Variants in SNAP29 observed in about 807,000 individuals in gnomAD.
SNAP29 encodes the protein synaptosome associated protein 29.
In SNAP29, 13 loss-of-function variants were observed where a neutral mutation model predicts 27.9. The observed-to-expected ratio is 0.47, with a 90% CI of 0.30 to 0.74. The LOEUF is 0.74. Ranked by LOEUF, SNAP29 falls within the 30% of genes least tolerant of loss-of-function variation. The probability of loss-of-function intolerance (pLI) is 0.06; values close to 1 mark genes in which losing one functional copy is unlikely to be tolerated. For missense variants in SNAP29, 368 were observed against 336.5 expected (o/e 1.09, Z -0.73); for synonymous variants, 119 against 127.1 (o/e 0.94, Z 0.43).
chr22:20,877,769 A>G (rs6004721), intron 2 of SNAP29, among the ~76,000 whole-genome samples: 8,890 of 152,264 alleles, frequency 0.058, 860 homozygotes, highest in African/African-American at 0.2. Flanking sequence ...CATTTTTCAC[A>G]AAGAAACCAT....
chr22:20,878,838 C>T (rs1447457835), intron 2 of SNAP29, among the ~76,000 whole-genome samples: 2 of 152,042 alleles, frequency 1.3e-5, no homozygotes, highest in Non-Finnish European at 2.9e-5. Context: ...AGCAGGATGT[C>T]GGGGATCAGC....
chr22:20,885,219 C>T (rs984771279), intron 4 of SNAP29, among the ~76,000 whole-genome samples: 3 of 152,172 alleles, frequency 2.0e-5, no homozygotes, highest in East Asian at 3.8e-4. Context: ...AAATCTCCCC[C>T]GTGGTGACCT....
chr22:20,866,731 G>A (rs1601645928), intron 1 of SNAP29, among the ~76,000 whole-genome samples: 1 of 152,126 alleles, frequency 6.6e-6, no homozygotes, highest in Non-Finnish European at 1.5e-5. Flanking sequence ...TCTGCCTGGT[G>A]CCCTTGCCCC....
chr22:20,866,355 T>A (rs1009870901), intron 1 of SNAP29, among the ~76,000 whole-genome samples: 12 of 152,230 alleles, frequency 7.9e-5, no homozygotes, highest in Admixed American at 3.9e-4. Flanking sequence ...CTTGTGCCTG[T>A]GCACACTCCC....
intron 1 of SNAP29, among the ~76,000 whole-genome samples, chr22:20,869,010 C>G (rs918686681): frequency 6.6e-6 from 1 of 152,176 alleles, no homozygotes; most frequent in African/African-American, 2.4e-5. Flanking sequence ...TGAGCGGTGG[C>G]TCATGCCTGT....
At chr22:20,864,359 C>T (rs111515211) in intron 1 of SNAP29, among the ~76,000 whole-genome samples, 163 of 152,326 alleles carry the variant, frequency 1.1e-3, no homozygotes, top group Non-Finnish European at 1.7e-3. Flanking sequence ...CTGTGTCTTT[C>T]CAGCACACAA....
chr22:20,887,688 C>A lies in SNAP29; in HGVS notation c.629C>A (p.Ser210Tyr). 1.2e-6 allele frequency: 2 copies of A among 1,614,160 alleles called. No homozygotes were observed. The highest frequency in any genetic ancestry group is 1.7e-6 in the Non-Finnish European group (2 of 1,180,020). Residue 210 changes from serine to tyrosine, a missense_variant, in exon 5 of 5, where the codon TCC becomes TAC. Physicochemically the swap from Ser to Tyr is moderately radical, Grantham distance 144 (BLOSUM62 -2). Coordinates refer to ENST00000215730, the MANE Select transcript of SNAP29 (RefSeq NM_004782.4). ...TTTCCTCCTCCTGCAGATGAGCTGT[C>A]CATGGGACTGGGTCGTCTGAAGGAC... The part of the protein sequence containing the change: ...QKIDSNLDEL[S>Y]MGLGRLKDIA...
At position 20,859,054 on chromosome 22, in the gene SNAP29, G is replaced by T. The variant is rs1400132992; in HGVS notation, c.-57G>T. The T allele has an allele frequency of 2.7e-5, 39 of 1,458,286 alleles. No homozygotes were observed. Among genetic ancestry groups the T allele is most frequent in the East Asian group, 7.0e-5 (3 of 43,010 alleles). The allele number at this position is 1,458,286 out of a possible 1,614,324, so 90.3% of individuals were successfully genotyped here. On this transcript the variant is annotated 5_prime_UTR_variant, in exon 1 of 5. Transcript: ENST00000215730. ...CGGCGGGCGGGGCGAGGCCCTGGAC[G>T]GCGGCGGCAGTGGGGCTCCTCCTTC...
intron 4 of SNAP29, among the ~76,000 whole-genome samples, chr22:20,886,045 C>G (rs1929006938): frequency 6.6e-6 from 1 of 151,974 alleles, no homozygotes; most frequent in South Asian, 2.1e-4. Context: ...ACCACAGGCT[C>G]TGCTCTCCAT....
chr22:20,866,923 T>G (rs1190870816), intron 1 of SNAP29, among the ~76,000 whole-genome samples: 1 of 152,068 alleles, frequency 6.6e-6, no homozygotes, highest in African/African-American at 2.4e-5. Flanking sequence ...GTGTATGTGT[T>G]TGTGTGCACG....
chr22:20,888,946 A>ACCATTT lies in SNAP29; in HGVS notation c.*1111_*1116dup, dbSNP rs1929089402. ...TGCTAAGGGGGCAAAAAGCCCAGATACCATTTTAACTGGCCCAGTTCATTT... is the reference window on the plus strand; with the variant it reads ...TGCTAAGGGGGCAAAAAGCCCAGATACCATTTCCATTTTAACTGGCCCAGTTCATTT... On this transcript the variant is annotated 3_prime_UTR_variant, in exon 5 of 5. Coordinates refer to ENST00000215730, the MANE Select transcript of SNAP29 (RefSeq NM_004782.4). The ACCATTT allele has an allele frequency of 6.6e-6, 1 of 152,236 alleles. No homozygotes were observed. The highest frequency in any genetic ancestry group is 2.4e-5 in the African/African-American group (1 of 41,464). 9.4% of individuals were successfully genotyped at this position (152,236 alleles called of 1,614,324 possible).
Position 20,859,580 on chromosome 22 carries a change from C to G in SNAP29, c.237+233C>G. On this transcript the variant is annotated intron_variant, in intron 1 of 4. Coordinates refer to ENST00000215730, the MANE Select transcript of SNAP29 (RefSeq NM_004782.4). ...ATCTTCCTTAGCTATTAGTCTGCTT[C>G]GTTGATTTTTTTTTTCTTACGCCTA... is the stretch of plus-strand genomic sequence containing the variant. 4 of 560,238 alleles carry G rather than the reference C, an allele frequency of 7.1e-6. No homozygotes were observed. In the South Asian group the frequency reaches 9.2e-5, roughly 13 times the overall value. The allele number at this position is 560,238 out of a possible 1,614,324, so 34.7% of individuals were successfully genotyped here. A position where few individuals can be genotyped will look rare whatever the true frequency, so the allele number is the denominator to read the frequency against.
rs1388972265 is a variant in SNAP29 at position 20,881,069 on chromosome 22, C to T, written c.455C>T (p.Thr152Ile). The T allele has an allele frequency of 6.2e-7, 1 of 1,611,812 alleles. No individual in the cohort carries two copies. Among genetic ancestry groups the T allele is most frequent in the East Asian group, 2.2e-5 (1 of 44,878 alleles). Residue 152 changes from threonine to isoleucine, a missense_variant, in exon 3 of 5, where the codon ACA becomes ATA. Transcript: ENST00000215730. ...CAAAGATTGAAAGAAGCTATAAGTA[C>T]AAGTAAAGAACAGGAAGCAAAGTAC... ...PNNRLKEAISTSKEQEAKYQA... is the reference protein window; with the variant it reads ...PNNRLKEAISISKEQEAKYQA...
intron 1 of SNAP29, among the ~76,000 whole-genome samples, chr22:20,863,732 A>G (rs1023229804): frequency 6.6e-5 from 10 of 152,294 alleles, no homozygotes; most frequent in South Asian, 4.1e-4. Context: ...CAAAATTTCA[A>G]AACATACAAA....
chr22:20,890,028 G>C lies in SNAP29; in HGVS notation c.*2192G>C. 5.3e-6 allele frequency: 2 copies of C among 374,810 alleles called. No homozygotes were observed. Among genetic ancestry groups the C allele is most frequent in the Non-Finnish European group, 9.4e-6 (2 of 211,820 alleles). The allele number at this position is 374,810 out of a possible 1,614,324, so 23.2% of individuals were successfully genotyped here. ...AAATTTGTCTTCGTCTGACATATTAGAGGGCCTCGTTTTGTCCTGTTCTTG... is the reference window on the plus strand; with the variant it reads ...AAATTTGTCTTCGTCTGACATATTACAGGGCCTCGTTTTGTCCTGTTCTTG... On this transcript the variant is annotated 3_prime_UTR_variant, in exon 5 of 5. Coordinates refer to ENST00000215730, the MANE Select transcript of SNAP29 (RefSeq NM_004782.4).
At chr22:20,872,820 CTTTTTTTT>C (rs361677) in intron 2 of SNAP29, among the ~76,000 whole-genome samples, 7 of 39,878 alleles carry the variant, frequency 1.8e-4, no homozygotes, top group Admixed American at 4.2e-4. Flanking sequence ...CCACGCCAGG[CTTTTTTTT>C]TTTTTTTTTT....
chr22:20,878,035 A>ACCAGG (rs1418478692), intron 2 of SNAP29, among the ~76,000 whole-genome samples: 2 of 152,192 alleles, frequency 1.3e-5, no homozygotes, highest in Non-Finnish European at 2.9e-5. Flanking sequence ...GCTCTGCTGC[A>ACCAGG]TTCTACCCAT....
chr22:20,879,137 C>A (rs1928824275), intron 2 of SNAP29, among the ~76,000 whole-genome samples: 1 of 152,180 alleles, frequency 6.6e-6, no homozygotes, highest in Middle Eastern at 3.4e-3. Flanking sequence ...GAAACCCCGT[C>A]TCCACTAAAA....
intron 4 of SNAP29, among the ~76,000 whole-genome samples, chr22:20,885,490 T>C (rs964710119): frequency 3.3e-5 from 5 of 152,098 alleles, no homozygotes; most frequent in African/African-American, 1.2e-4. Flanking sequence ...TCTGCCCAGA[T>C]CTAACCACTC....
Sources: gnomAD v4.1 joint callset for allele counts (sites outside exome capture counted in the v4.1 genomes callset) on GRCh38, gnomAD v4.1.1 for gene constraint, MANE v1.5 for transcripts, NCBI Gene and HGNC (gene_info 2026-07-23, HGNC 2026-07-21) for gene names.